Variants in UNC13C observed in about 807,000 individuals in gnomAD.
UNC13C encodes unc-13 homolog C, also known as protein unc-13 homolog C.
In UNC13C, 174 loss-of-function variants were observed where a neutral mutation model predicts 245.4. The ratio of observed to expected loss-of-function variants is 0.71; its 90% CI spans 0.63 to 0.80. UNC13C has a LOEUF of 0.80. Among genes scored for constraint, UNC13C ranks in the 30% least tolerant of loss-of-function variants. The pLI is 0.00. For synonymous variants in UNC13C, 992 were observed against 895.1 expected, an observed-to-expected ratio of 1.11 and a Z score of -1.93; for missense variants, 2,829 against 2,602.9, an observed-to-expected ratio of 1.09 and a Z score of -1.89.
At chr15:54,103,279 A>G (rs538162413) in intron 2 of UNC13C, among the ~76,000 whole-genome samples, 7 of 152,080 alleles carry the variant, frequency 4.6e-5, no homozygotes, top group Non-Finnish European at 8.8e-5. Context: ...GTTCTCTCAC[A>G]CTTATTTTAA....
chr15:54,214,362 C>G (rs4283168), intron 4 of UNC13C, among the ~76,000 whole-genome samples: 45,586 of 151,618 alleles, frequency 0.3, 6,918 homozygotes, highest in Middle Eastern at 0.34. Flanking sequence ...CTAAACTACT[C>G]GGTGAGATGT....
At chr15:54,235,157 C>T in intron 5 of UNC13C, 49 bp downstream of exon 5, 1 of 1,542,288 alleles carries the variant, frequency 6.5e-7, no homozygotes, top group Non-Finnish European at 9.0e-7. Flanking sequence ...TGGTTTTTTT[C>T]CTTACTAAAA....
At chr15:54,225,097 T>C (rs1287519622) in intron 4 of UNC13C, among the ~76,000 whole-genome samples, 2 of 151,942 alleles carry the variant, frequency 1.3e-5, no homozygotes, top group Non-Finnish European at 2.9e-5. Flanking sequence ...TAGCTTTTTT[T>C]CATTGATCTT....
intron 4 of UNC13C, among the ~76,000 whole-genome samples, chr15:54,163,109 G>A (rs1300666684): frequency 6.6e-6 from 1 of 152,182 alleles, no homozygotes; most frequent in African/African-American, 2.4e-5. Context: ...GCACTTTGCA[G>A]ATATGATTGA....
chr15:54,580,851 C>T, intron 30 of UNC13C, among the ~76,000 whole-genome samples: 1 of 152,170 alleles, frequency 6.6e-6, no homozygotes, highest in Non-Finnish European at 1.5e-5. Flanking sequence ...CTAAGAGGCT[C>T]TTGGAGTGAC....
At chr15:54,501,900 G>A (rs1021378497) in intron 22 of UNC13C, among the ~76,000 whole-genome samples, 7 of 152,166 alleles carry the variant, frequency 4.6e-5, no homozygotes, top group Non-Finnish European at 7.3e-5. Context: ...GGGAGAAGCA[G>A]TAGGAAATGT....
At chr15:54,622,486 A>G (rs1041253616) in intron 31 of UNC13C, 67 bp downstream of exon 31, 7 of 1,200,108 alleles carry the variant, frequency 5.8e-6, no homozygotes, top group Admixed American at 5.7e-5. Context: ...GATATCAGCA[A>G]TGTAACTTTT....
At chr15:54,142,839 G>A (rs2032085558) in intron 2 of UNC13C, among the ~76,000 whole-genome samples, 179 bp from the exon 3 acceptor site, 1 of 152,096 alleles carries the variant, frequency 6.6e-6, no homozygotes. Flanking sequence ...ACATTTCTCT[G>A]CACTTTAAAT....
At chr15:53,848,543 A>C in the UNC13C span, among the ~76,000 whole-genome samples, 1 of 152,148 alleles carries the variant, frequency 6.6e-6, no homozygotes, top group Non-Finnish European at 1.5e-5. Context: ...GGATAAGCAC[A>C]TGGTGTCTAC....
intron 4 of UNC13C, among the ~76,000 whole-genome samples, chr15:54,219,772 A>G (rs1049000339): frequency 1.3e-4 from 19 of 151,732 alleles, no homozygotes; most frequent in Non-Finnish European, 2.5e-4. Context: ...AACCCCATCA[A>G]AAAGTGGGCA....
At chr15:53,848,471 A>G in the UNC13C span, among the ~76,000 whole-genome samples, 1 of 152,112 alleles carries the variant, frequency 6.6e-6, no homozygotes, top group African/African-American at 2.4e-5. Context: ...TTAATTGCAT[A>G]TTGTCAGAGA....
chr15:54,076,866 G>A (rs1208136799), intron 2 of UNC13C, among the ~76,000 whole-genome samples: 1 of 152,196 alleles, frequency 6.6e-6, no homozygotes, highest in Non-Finnish European at 1.5e-5. Context: ...TTCCACCAGA[G>A]TTGAACTTAA....
At chr15:54,153,337 C>A (rs562510218) in intron 4 of UNC13C, among the ~76,000 whole-genome samples, 42 of 152,066 alleles carry the variant, frequency 2.8e-4, no homozygotes, top group African/African-American at 9.9e-4. Context: ...ATAAGTAATA[C>A]TTTTTGAAAT....
rs558694082 is a variant in UNC13C at position 54,323,788 on chromosome 15, T to C, written c.4425+1693T>C. 3.3e-5 allele frequency among the ~76,000 whole-genome samples: 5 copies of C among 152,190 alleles called. No individual in the cohort carries two copies. In the East Asian group the frequency reaches 9.7e-4, roughly 30 times the overall value. On this transcript the variant is annotated intron_variant, in intron 14 of 32. Coordinates refer to ENST00000260323, the MANE Select transcript of UNC13C (RefSeq NM_001080534.3). ...TGCTGTCTTGGGATTTTACCTATAA[T>C]ATAAAGCATGCTGCACTATGAAATT...
At position 54,627,051 on chromosome 15, in the gene UNC13C, G is replaced by A. The variant is rs538945897; in HGVS notation, c.6583G>A (p.Asp2195Asn). Reference sequence around the variant, plus strand: ...AATACTCTCTCAGAGGACCAGTGATGATGTGGCTAAAGAATTTGTAAGACT... The same window carrying A: ...AATACTCTCTCAGAGGACCAGTGATAATGTGGCTAAAGAATTTGTAAGACT... ...LRILSQRTSDDVAKEFVRLKS... is the reference protein window; with the variant it reads ...LRILSQRTSDNVAKEFVRLKS... The change falls in exon 33 of 33, where the codon GAT becomes AAT. Residue 2195 changes from aspartate (D) to asparagine (N), a missense_variant. Asp to Asn is a conservative substitution (Grantham distance 23). Coordinates refer to ENST00000260323, the MANE Select transcript of UNC13C (RefSeq NM_001080534.3). 6.2e-7 allele frequency: 1 copy of A among 1,613,194 alleles called. No homozygotes were observed. The highest frequency in any genetic ancestry group is 1.1e-5 in the South Asian group (1 of 91,038).
the UNC13C span, among the ~76,000 whole-genome samples, chr15:53,860,810 T>C: frequency 1.3e-5 from 2 of 152,222 alleles, no homozygotes; most frequent in Non-Finnish European, 2.9e-5. Context: ...AAATTGAGCA[T>C]GGTAGACTAT....
chr15:54,151,804 T>C (rs952096653), intron 4 of UNC13C, among the ~76,000 whole-genome samples: 1 of 152,198 alleles, frequency 6.6e-6, no homozygotes, highest in Non-Finnish European at 1.5e-5. Flanking sequence ...CAACTTTCCT[T>C]TAGCCAGTTC....
intron 13 of UNC13C, among the ~76,000 whole-genome samples, chr15:54,311,783 ACTT>A (rs1307157320): frequency 1.3e-5 from 2 of 151,798 alleles, no homozygotes; most frequent in African/African-American, 2.4e-5. Flanking sequence ...GATTTGTTTG[ACTT>A]CTTCAACAAA....
intron 7 of UNC13C, among the ~76,000 whole-genome samples, chr15:54,246,104 T>G (rs2035983385): frequency 6.6e-6 from 1 of 152,194 alleles, no homozygotes; most frequent in Admixed American, 6.5e-5. Flanking sequence ...TCTCAGGCTC[T>G]TTTTAGTTTC....
Sources: gnomAD v4.1 joint callset for allele counts (sites outside exome capture counted in the v4.1 genomes callset) on GRCh38, gnomAD v4.1.1 for gene constraint, MANE v1.5 for transcripts, NCBI Gene and HGNC (gene_info 2026-07-23, HGNC 2026-07-21) for gene names.